FLT1: variants seen among roughly 807,000 people sequenced by gnomAD.
The protein encoded by FLT1 is fms related receptor tyrosine kinase 1.
FLT1 carries 49 observed loss-of-function variants against 156.3 expected under a neutral mutation model. The observed-to-expected ratio is 0.31, with a 90% CI of 0.25 to 0.40. FLT1 has a LOEUF of 0.40. Among genes scored for constraint, FLT1 ranks in the 10% least tolerant of loss-of-function variants. The pLI, the probability that FLT1 is intolerant of heterozygous loss-of-function variation, is 1.00. For synonymous variants in FLT1, 594 were observed against 583.8 expected, an observed-to-expected ratio of 1.02 and a Z score of -0.25; for missense variants, 1,322 against 1,637.2, an observed-to-expected ratio of 0.81 and a Z score of 3.32.
chr13:28,427,137 T>TA lies in FLT1; in HGVS notation c.1436+21dup, dbSNP rs758923618. ...GTGTCAAAAAGTATTTGAAAGTTAG[T>TA]AAAAAAACTGACTGTCCCTACCTTG... On this transcript the variant is annotated intron_variant, in intron 10 of 29. Coordinates refer to ENST00000282397, the MANE Select transcript of FLT1 (RefSeq NM_002019.4). 2.2e-5 allele frequency: 35 copies of TA among 1,610,386 alleles called. No homozygotes were observed. The South Asian group carries it at 3.3e-4, about 15-fold the overall frequency.
At chr13:28,419,993 A>G (rs1226686780) in intron 10 of FLT1, among the ~76,000 whole-genome samples, 2 of 152,254 alleles carry the variant, frequency 1.3e-5, no homozygotes, top group Non-Finnish European at 2.9e-5. Context: ...TTAACTCATT[A>G]GAAACAATTA....
At chr13:28,372,074 A>ATTTTT (rs1290920015) in intron 14 of FLT1, among the ~76,000 whole-genome samples, 24 of 14,174 alleles carry the variant, frequency 1.7e-3, no homozygotes, top group South Asian at 3.2e-3. Context: ...ATATATATAT[A>ATTTTT]TATTTTTTTT....
At chr13:28,488,358 C>A (rs1451490393) in intron 1 of FLT1, among the ~76,000 whole-genome samples, 3 of 152,246 alleles carry the variant, frequency 2.0e-5, no homozygotes, top group African/African-American at 7.2e-5. Context: ...CAGGATTGCA[C>A]CACCGCACTC....
In FLT1 at chr13:28,494,546, G is replaced by A. The variant is rs150130378; in HGVS notation, c.64+234C>T. ...CAGCCCCAGCGCGGACCCGGTCTGA[G>A]CGCTGATGCTCGCGGGTCCAGGCCA... On this transcript the variant is annotated intron_variant, in intron 1 of 29. Transcript: ENST00000282397. Among the ~76,000 whole-genome samples the A allele has an allele frequency of 8.2e-3, 1,251 of 152,288 alleles. 14 individuals are homozygous for A. The highest frequency in any genetic ancestry group is 0.028 in the African/African-American group (1,170 of 41,552).
At chr13:28,360,674 C>T (rs1344181945) in intron 14 of FLT1, among the ~76,000 whole-genome samples, 2 of 152,062 alleles carry the variant, frequency 1.3e-5, no homozygotes, top group Non-Finnish European at 2.9e-5. Flanking sequence ...TGATGGTTAC[C>T]ACAGGCTGGG....
At chr13:28,462,487 GT>G (rs545952622) in intron 3 of FLT1, among the ~76,000 whole-genome samples, 147 of 152,226 alleles carry the variant, frequency 9.7e-4, no homozygotes, top group South Asian at 1.7e-3. Context: ...TTTGTAATTT[GT>G]TTTTGTTTAT....
rs141286646 is a variant in FLT1 at position 28,431,285 on chromosome 13, C to T, written c.839G>A (p.Arg280Gln). The T allele has an allele frequency of 5.1e-5, 82 of 1,613,454 alleles. No homozygotes were observed. The African/African-American group carries it at 5.5e-4, about 11-fold the overall frequency. ...ATGGGAATTGCTTTGGTCAATTCGTCGCCTTACGGAAGCTCTCTTATTTTT... is the reference window on the plus strand; with the variant it reads ...ATGGGAATTGCTTTGGTCAATTCGTTGCCTTACGGAAGCTCTCTTATTTTT... ...DEKNKRASVR[R>Q]RIDQSNSHAN... The change falls in exon 7 of 30, where the codon CGA (arginine) becomes CAA (glutamine). Residue 280 changes from arginine (R) to glutamine (Q), a missense_variant. Around this residue, in one of 3 missense-constraint regions of FLT1, gnomAD observed 991 missense variants for 1,254.8 expected, o/e 0.79. Coordinates refer to ENST00000282397, the MANE Select transcript of FLT1 (RefSeq NM_002019.4).
chr13:28,403,899 A>G (rs1401454484), intron 11 of FLT1, among the ~76,000 whole-genome samples: 2 of 152,098 alleles, frequency 1.3e-5, no homozygotes, highest in African/African-American at 4.8e-5. Flanking sequence ...AAACTTAGCC[A>G]GGAGTGATGG....
intron 17 of FLT1, among the ~76,000 whole-genome samples, chr13:28,335,338 C>T (rs998325992): frequency 6.6e-6 from 1 of 152,150 alleles, no homozygotes; most frequent in African/African-American, 2.4e-5. Flanking sequence ...CCTTTCCCAA[C>T]CAAGTGCTCT....
At chr13:28,347,462 A>C (rs1872606825) in intron 15 of FLT1, among the ~76,000 whole-genome samples, 1 of 152,108 alleles carries the variant, frequency 6.6e-6, no homozygotes, top group Non-Finnish European at 1.5e-5. Context: ...CGGAGGTTGC[A>C]GTGAGCTGAG....
At chr13:28,473,115 G>A (rs535115630) in intron 1 of FLT1, among the ~76,000 whole-genome samples, 1 of 152,244 alleles carries the variant, frequency 6.6e-6, no homozygotes, top group African/African-American at 2.4e-5. Context: ...GTGTTGGTGA[G>A]AATGTGGAGA....
chr13:28,319,788 C>G (rs1871365926), intron 23 of FLT1, among the ~76,000 whole-genome samples: 1 of 152,176 alleles, frequency 6.6e-6, no homozygotes, highest in Admixed American at 6.5e-5. Context: ...ATGTCCTTAT[C>G]TGCATAGCTC....
At chr13:28,365,044 T>A (rs924656314) in intron 14 of FLT1, among the ~76,000 whole-genome samples, 5 of 152,224 alleles carry the variant, frequency 3.3e-5, no homozygotes, top group Admixed American at 1.3e-4. Flanking sequence ...GAAATGGTCA[T>A]ATTTATTTTT....
intron 12 of FLT1, among the ~76,000 whole-genome samples, chr13:28,391,800 T>C (rs1874737719): frequency 6.6e-6 from 1 of 152,152 alleles, no homozygotes; most frequent in Non-Finnish European, 1.5e-5. Flanking sequence ...TCAGTTCACT[T>C]TGGGGCTGAG....
intron 8 of FLT1, 137 bp downstream of exon 8, chr13:28,429,913 T>G (rs1159887566): frequency 5.3e-6 from 4 of 749,584 alleles, no homozygotes; most frequent in Non-Finnish European, 9.8e-6. Flanking sequence ...CCCAAGAATC[T>G]ACAGAGTTCT....
intron 10 of FLT1, among the ~76,000 whole-genome samples, chr13:28,425,364 C>T (rs1593777949): frequency 6.6e-6 from 1 of 152,104 alleles, no homozygotes; most frequent in East Asian, 1.9e-4. Flanking sequence ...GTCTTGAGAC[C>T]ATTCTGAAAG....
chr13:28,377,489 G>A (rs996883170), intron 14 of FLT1, among the ~76,000 whole-genome samples: 11 of 148,770 alleles, frequency 7.4e-5, no homozygotes, highest in African/African-American at 2.4e-4. Context: ...CAATTGACAC[G>A]ATAATAGCGA....
intron 3 of FLT1, among the ~76,000 whole-genome samples, chr13:28,458,136 C>A (rs1344184174): frequency 1.3e-5 from 2 of 151,944 alleles, no homozygotes; most frequent in Non-Finnish European, 2.9e-5. Context: ...GGGGTTTCAC[C>A]ATGTCCGTCA....
At chr13:28,379,579 G>A (rs1010181901) in intron 14 of FLT1, among the ~76,000 whole-genome samples, 21 of 152,320 alleles carry the variant, frequency 1.4e-4, no homozygotes, top group African/African-American at 4.3e-4. Flanking sequence ...AGTTGGGCAC[G>A]CGCAGCAGAC....
Sources: gnomAD v4.1 joint callset for allele counts (sites outside exome capture counted in the v4.1 genomes callset) on GRCh38, gnomAD v4.1.1 for gene constraint, gnomAD v4.1.1 regional missense constraint, MANE v1.5 for transcripts, NCBI Gene and HGNC (gene_info 2026-07-23, HGNC 2026-07-21) for gene names.